PITPNC1: variants seen among roughly 807,000 people sequenced by gnomAD.
The protein encoded by PITPNC1 is cytoplasmic phosphatidylinositol transfer protein 1.
In PITPNC1, 18 loss-of-function variants were observed where a neutral mutation model predicts 44.7. The ratio of observed to expected loss-of-function variants is 0.40; its 90% confidence interval spans 0.28 to 0.60. PITPNC1 has a LOEUF of 0.60. Among genes scored for constraint, PITPNC1 ranks in the 20% least tolerant of loss-of-function variants. PITPNC1 has a pLI of 0.39. For synonymous variants in PITPNC1, 141 were observed against 149.6 expected (o/e 0.94, Z 0.42); for missense variants, 290 against 418.4 (o/e 0.69, Z 2.68).
intron 2 of PITPNC1, among the ~76,000 whole-genome samples, chr17:67,536,536 AT>A (rs2040532875): frequency 6.6e-6 from 1 of 152,222 alleles, no homozygotes; most frequent in East Asian, 1.9e-4. Context: ...CTAATTTTAG[AT>A]TTTCTAAGAC....
chr17:67,478,059 ACT>A (rs1020396849), intron 1 of PITPNC1, among the ~76,000 whole-genome samples: 13 of 151,920 alleles, frequency 8.6e-5, no homozygotes, highest in African/African-American at 3.1e-4. Flanking sequence ...TAGCTCAGAC[ACT>A]CTGCTTGTAT....
intron 1 of PITPNC1, among the ~76,000 whole-genome samples, chr17:67,492,174 A>G (rs2039874497): frequency 6.6e-6 from 1 of 152,192 alleles, no homozygotes; most frequent in Non-Finnish European, 1.5e-5. Context: ...AAGTAACTGT[A>G]GCAAGTTGAA....
At chr17:67,378,828 C>CT (rs977457945) in intron 1 of PITPNC1, 2 of 255,286 alleles carry the variant, frequency 7.8e-6, no homozygotes, top group Non-Finnish European at 1.2e-5. Flanking sequence ...TTCTGCGTCT[C>CT]TTGTTTCTTC....
intron 5 of PITPNC1, among the ~76,000 whole-genome samples, chr17:67,616,364 C>A (rs1359668759): frequency 6.6e-6 from 1 of 152,198 alleles, no homozygotes; most frequent in Non-Finnish European, 1.5e-5. Flanking sequence ...TGGTCTCGAA[C>A]TCCTGACCTG....
At chr17:67,567,178 T>C (rs952408181) in intron 4 of PITPNC1, among the ~76,000 whole-genome samples, 2 of 152,134 alleles carry the variant, frequency 1.3e-5, no homozygotes, top group Non-Finnish European at 2.9e-5. Context: ...ACCCAGAACC[T>C]CCCAGAGTTA....
chr17:67,561,573 A>G (rs1014157145), intron 4 of PITPNC1, among the ~76,000 whole-genome samples: 14 of 152,194 alleles, frequency 9.2e-5, no homozygotes, highest in African/African-American at 3.4e-4. Context: ...GTGTTGATAC[A>G]TCTTTTCAGT....
intron 1 of PITPNC1, among the ~76,000 whole-genome samples, chr17:67,501,146 C>G (rs980341023): frequency 6.6e-6 from 1 of 152,176 alleles, no homozygotes; most frequent in Non-Finnish European, 1.5e-5. Flanking sequence ...CATATTATTA[C>G]TTTCTCTATA....
intron 1 of PITPNC1, among the ~76,000 whole-genome samples, chr17:67,426,809 T>G (rs1415420307): frequency 1.3e-5 from 2 of 151,906 alleles, no homozygotes; most frequent in Non-Finnish European, 2.9e-5. Context: ...TTTTAAAAAC[T>G]TATTTAATTT....
At chr17:67,654,713 A>T (rs1446425294) in intron 6 of PITPNC1, among the ~76,000 whole-genome samples, 1 of 151,962 alleles carries the variant, frequency 6.6e-6, no homozygotes, top group Admixed American at 6.6e-5. Flanking sequence ...GCTCACTGCA[A>T]CCTCCACCTC....
intron 6 of PITPNC1, among the ~76,000 whole-genome samples, chr17:67,665,140 T>G (rs1338553033): frequency 6.6e-6 from 1 of 152,180 alleles, no homozygotes; most frequent in African/African-American, 2.4e-5. Flanking sequence ...TCACTGAGGC[T>G]AGAGTGCAGT....
chr17:67,505,547 A>G (rs527318818), intron 1 of PITPNC1, among the ~76,000 whole-genome samples: 23 of 152,174 alleles, frequency 1.5e-4, no homozygotes, highest in African/African-American at 5.5e-4. Context: ...CAGCTTTCTT[A>G]TGGTTTACTG....
Position 67,578,102 on chromosome 17 carries a change from G to T in PITPNC1, c.295-84G>T, listed in dbSNP as rs143863846. 787 of 907,848 alleles carry T rather than the reference G, an allele frequency of 8.7e-4. 1 individual carries two copies. Among genetic ancestry groups the T allele is most frequent in the Non-Finnish European group, 1.0e-3 (565 of 553,542 alleles). The allele number at this position is 907,848 out of a possible 1,614,324, so 56.2% of individuals were successfully genotyped here. A position where few individuals can be genotyped will look rare whatever the true frequency, so the allele number is the denominator to read the frequency against. The stretch of plus-strand genomic sequence containing the variant: ...CCGGGACGGTGCTTGCAACCAAATG[G>T]CCAGGAAAGTATTCAGAAGCTCTGC... On this transcript the variant is annotated intron_variant, in intron 4 of 8. Coordinates refer to ENST00000581322, the MANE Select transcript of PITPNC1 (RefSeq NM_012417.4).
Position 67,694,037 on chromosome 17 carries a change from C to T in PITPNC1, c.*1149C>T, listed in dbSNP as rs1163976359. On this transcript the variant is annotated 3_prime_UTR_variant, in exon 9 of 9. Transcript: ENST00000581322. ...GAGAGAATGAGCAGAATTGCTGACT[C>T]CTATTTGTAGAGTGAAAAGGAGGAG... The T allele has an allele frequency of 6.6e-6, 1 of 152,202 alleles. No homozygotes were observed. The highest frequency in any genetic ancestry group is 1.5e-5 in the Non-Finnish European group (1 of 68,034). 9.4% of individuals were successfully genotyped at this position (152,202 alleles called of 1,614,324 possible).
chr17:67,498,658 A>G (rs73347999), intron 1 of PITPNC1, among the ~76,000 whole-genome samples: 13,247 of 152,226 alleles, frequency 0.087, 591 homozygotes, highest in South Asian at 0.14. Context: ...TGACAAGCTC[A>G]TCAATGGTGT....
rs111521766 is a variant in PITPNC1 at position 67,658,834 on chromosome 17, G to A, written c.463-10674G>A. On this transcript the variant is annotated intron_variant, in intron 6 of 8. Transcript: ENST00000581322. ...CAGGAAGACCTCCACTTAGGTTCTC[G>A]AGGGTTTGCCTGTCCATATTCTGGT... Among the ~76,000 whole-genome samples the A allele has an allele frequency of 2.0e-3, 306 of 152,146 alleles. 1 individual carries two copies. The highest frequency in any genetic ancestry group is 3.2e-3 in the Non-Finnish European group (221 of 68,004).
chr17:67,415,111 C>G (rs565580362), intron 1 of PITPNC1, among the ~76,000 whole-genome samples: 6 of 152,224 alleles, frequency 3.9e-5, no homozygotes, highest in African/African-American at 1.2e-4. Context: ...AACTCCTGAA[C>G]TCAAGCCATC....
At chr17:67,538,415 C>A (rs893163953) in intron 2 of PITPNC1, among the ~76,000 whole-genome samples, 8 of 152,030 alleles carry the variant, frequency 5.3e-5, no homozygotes, top group African/African-American at 1.9e-4. Flanking sequence ...GACTGGGCAA[C>A]CTGACGAAAC....
At chr17:67,474,238 T>A (rs1396393702) in intron 1 of PITPNC1, among the ~76,000 whole-genome samples, 1 of 151,998 alleles carries the variant, frequency 6.6e-6, no homozygotes, top group Non-Finnish European at 1.5e-5. Flanking sequence ...AAGAGGAAAG[T>A]TTGGGAGGGT....
At chr17:67,429,021 A>C (rs2038816267) in intron 1 of PITPNC1, among the ~76,000 whole-genome samples, 1 of 151,296 alleles carries the variant, frequency 6.6e-6, no homozygotes, top group Non-Finnish European at 1.5e-5. Flanking sequence ...TTGTATTTTT[A>C]GTAGAGACGG....
Sources: allele counts gnomAD v4.1 joint callset (sites outside exome capture counted in the v4.1 genomes callset), GRCh38; gene constraint gnomAD v4.1.1; transcripts MANE v1.5; gene names NCBI Gene and HGNC (gene_info 2026-07-23, HGNC 2026-07-21).